Variants in CEP112 observed in about 807,000 individuals in gnomAD.
CEP112 encodes the protein centrosomal protein of 112 kDa.
In CEP112, 127 loss-of-function variants were observed where a neutral mutation model predicts 153.0. That is an observed-to-expected ratio of 0.83 (90% CI 0.72 to 0.96). CEP112 has a LOEUF of 0.96. Ranked by LOEUF, CEP112 falls within the 40% of genes least tolerant of loss-of-function variation. The pLI is 0.00. For synonymous variants in CEP112, 358 were observed against 374.4 expected, an observed-to-expected ratio of 0.96 and a Z score of 0.51; for missense variants, 1,089 against 1,101.2, an observed-to-expected ratio of 0.99 and a Z score of 0.16.
At chr17:65,882,465 C>T (rs755035132) in intron 20 of CEP112, among the ~76,000 whole-genome samples, 17 of 152,158 alleles carry the variant, frequency 1.1e-4, no homozygotes, top group East Asian at 3.8e-4. Flanking sequence ...GATTTAATGA[C>T]CATCTCTGCA....
At chr17:65,822,590 G>T (rs950295166) in intron 21 of CEP112, among the ~76,000 whole-genome samples, 28 of 152,180 alleles carry the variant, frequency 1.8e-4, no homozygotes, top group African/African-American at 6.7e-4. Context: ...CATGAGTACA[G>T]AACCTACAGA....
chr17:65,771,345 C>A (rs1263721785), intron 21 of CEP112, among the ~76,000 whole-genome samples: 2 of 152,030 alleles, frequency 1.3e-5, no homozygotes, highest in African/African-American at 4.8e-5. Flanking sequence ...ATCTAACAAT[C>A]CTAAATATGT....
chr17:65,639,922 C>G (rs938614041), intron 25 of CEP112, among the ~76,000 whole-genome samples: 3 of 143,438 alleles, frequency 2.1e-5, no homozygotes, highest in African/African-American at 7.7e-5. Flanking sequence ...ACTGCAACCT[C>G]CGCGTCCCAA....
intron 20 of CEP112, among the ~76,000 whole-genome samples, chr17:65,881,631 C>G (rs2059079215): frequency 6.6e-6 from 1 of 152,136 alleles, no homozygotes; most frequent in Admixed American, 6.5e-5. Context: ...ATAAAAAGAA[C>G]AAGTGATGGC....
intron 2 of CEP112, among the ~76,000 whole-genome samples, chr17:66,178,233 C>T (rs1012295074): frequency 1.3e-5 from 2 of 152,146 alleles, no homozygotes; most frequent in Admixed American, 6.6e-5. Flanking sequence ...TTTGTTATTG[C>T]CTGTCTTTGG....
chr17:65,824,529 G>C (rs2056746402), intron 21 of CEP112, among the ~76,000 whole-genome samples: 1 of 152,340 alleles, frequency 6.6e-6, no homozygotes, highest in Non-Finnish European at 1.5e-5. Context: ...ATAAGTTATA[G>C]TTGTTTTAAA....
At chr17:66,024,873 T>C (rs1301111818) in intron 16 of CEP112, among the ~76,000 whole-genome samples, 1 of 152,000 alleles carries the variant, frequency 6.6e-6, no homozygotes, top group African/African-American at 2.4e-5. Context: ...ACTGGAAGCA[T>C]AACATTATTT....
At chr17:66,034,058 G>A (rs2065606431) in intron 12 of CEP112, among the ~76,000 whole-genome samples, 1 of 151,846 alleles carries the variant, frequency 6.6e-6, no homozygotes, top group African/African-American at 2.4e-5. Flanking sequence ...TGCAAGACTT[G>A]AATGTGTGCC....
intron 4 of CEP112, among the ~76,000 whole-genome samples, chr17:66,137,731 T>C (rs2070500398): frequency 6.6e-6 from 1 of 152,114 alleles, no homozygotes; most frequent in South Asian, 2.1e-4. Context: ...ATCTGTCCTT[T>C]AAAAATGAAA....
intron 20 of CEP112, among the ~76,000 whole-genome samples, chr17:65,885,988 T>C (rs2059263007): frequency 6.6e-6 from 1 of 152,236 alleles, no homozygotes; most frequent in African/African-American, 2.4e-5. Flanking sequence ...TGAATTGCTT[T>C]GTACTGCTCA....
At position 66,067,903 on chromosome 17, in the gene CEP112, T is replaced by A. The variant is rs191413473; in HGVS notation, c.856-1026A>T. On this transcript the variant is annotated intron_variant, in intron 9 of 26. Transcript: ENST00000535342. ...TTCTTCAGCTGGGCATGTCCCTGGA[T>A]CCGCCCACAAGCACCGTTCTATCCT... 3.0e-3 allele frequency among the ~76,000 whole-genome samples: 461 copies of A among 152,202 alleles called. 2 individuals carry two copies. Among genetic ancestry groups the A allele is most frequent in the African/African-American group, 0.01 (430 of 41,540 alleles).
chr17:65,763,697 C>A (rs574697114), intron 21 of CEP112, among the ~76,000 whole-genome samples: 1 of 152,074 alleles, frequency 6.6e-6, no homozygotes, highest in Admixed American at 6.6e-5. Context: ...GCTTACACTG[C>A]CCATCTCTTC....
intron 4 of CEP112, among the ~76,000 whole-genome samples, chr17:66,146,313 T>A (rs2070916490): frequency 6.6e-6 from 1 of 152,086 alleles, no homozygotes; most frequent in Admixed American, 6.5e-5. Flanking sequence ...GCTATTCAGA[T>A]TTCCCATTTC....
At chr17:65,673,226 C>G (rs2047070201) in intron 24 of CEP112, among the ~76,000 whole-genome samples, 1 of 152,160 alleles carries the variant, frequency 6.6e-6, no homozygotes, top group Non-Finnish European at 1.5e-5. Flanking sequence ...AGCTGCGCGT[C>G]CCTCTCATCT....
intron 5 of CEP112, among the ~76,000 whole-genome samples, chr17:66,132,414 A>G (rs1188529797): frequency 6.6e-6 from 1 of 152,126 alleles, no homozygotes; most frequent in Admixed American, 6.5e-5. Flanking sequence ...AACAAAGGGA[A>G]AATGTTATTC....
At chr17:65,922,752 CATTTTTCTT>C (rs2060779995) in intron 19 of CEP112, among the ~76,000 whole-genome samples, 2 of 152,254 alleles carry the variant, frequency 1.3e-5, no homozygotes, top group South Asian at 4.1e-4. Flanking sequence ...GAGGAACTGA[CATTTTTCTT>C]ATTTTTCTTA....
intron 1 of CEP112, among the ~76,000 whole-genome samples, chr17:66,184,688 A>G (rs1434136758): frequency 2.0e-5 from 3 of 152,214 alleles, no homozygotes; most frequent in Non-Finnish European, 2.9e-5. Context: ...ACAGTTTGGC[A>G]GTTTCTTACA....
At chr17:65,805,312 C>T (rs936113352) in intron 21 of CEP112, among the ~76,000 whole-genome samples, 8 of 152,082 alleles carry the variant, frequency 5.3e-5, no homozygotes, top group Admixed American at 5.2e-4. Flanking sequence ...TAGGAGCTGC[C>T]CTTAGTCCCT....
At chr17:65,857,589 T>A (rs1287541743) in intron 20 of CEP112, among the ~76,000 whole-genome samples, 1 of 152,212 alleles carries the variant, frequency 6.6e-6, no homozygotes, top group Non-Finnish European at 1.5e-5. Context: ...TTATAGGTTA[T>A]TTTCAAACGT....
Sources: allele counts gnomAD v4.1 joint callset (sites outside exome capture counted in the v4.1 genomes callset), GRCh38; gene constraint gnomAD v4.1.1; transcripts MANE v1.5; gene names NCBI Gene and HGNC (gene_info 2026-07-23, HGNC 2026-07-21).